The following FRMPD4 variants were observed in gnomAD, a reference collection of about 807,000 sequenced individuals.
FRMPD4 encodes the protein FERM and PDZ domain-containing protein 4.
FRMPD4 carries 22 observed loss-of-function variants against 94.1 expected under a neutral mutation model. The ratio of observed to expected loss-of-function variants is 0.23; its 90% CI spans 0.17 to 0.33. The LOEUF is 0.33. Among genes scored for constraint, FRMPD4 ranks in the 10% least tolerant of loss-of-function variants. FRMPD4 has a pLI of 1.00. For synonymous variants in FRMPD4, 631 were observed against 548.6 expected, an observed-to-expected ratio of 1.15 and a Z score of -2.10; for missense variants, 1,111 against 1,339.9, an observed-to-expected ratio of 0.83 and a Z score of 2.67.
intron 1 of FRMPD4, among the ~76,000 whole-genome samples, chrX:12,374,324 A>C (rs1018013324): frequency 8.0e-5 from 9 of 111,972 alleles, no homozygotes; most frequent in African/African-American, 2.9e-4. Context: ...ACTTTCTTTG[A>C]GCCCCAAATT....
At chrX:12,417,474 G>T (rs1341891497) in intron 1 of FRMPD4, among the ~76,000 whole-genome samples, 1 of 105,788 alleles carries the variant, frequency 9.5e-6, no homozygotes, top group Non-Finnish European at 1.9e-5. Flanking sequence ...AGCTACTTGG[G>T]GGGCCAAGGC....
rs760251593 is a variant in FRMPD4, at chrX:11,963,708, A to C, written c.95+85690A>C. Among the ~76,000 whole-genome samples the C allele has an allele frequency of 1.2e-4, 14 of 112,071 alleles. No homozygotes were observed. In the South Asian group the frequency reaches 2.6e-3, roughly 21 times the overall value. The stretch of plus-strand genomic sequence containing the variant: ...GCATGGGCAAGCCAGTTTGTGCTGG[A>C]TGTGACAGATATTTTCTTTACAAAA... On this transcript the variant is annotated intron_variant, in intron 3 of 18. Coordinates refer to the FRMPD4 transcript ENST00000640291.
intron 1 of FRMPD4, among the ~76,000 whole-genome samples, chrX:12,476,609 A>C (rs951253378): frequency 8.9e-6 from 1 of 111,864 alleles, no homozygotes; most frequent in African/African-American, 3.3e-5. Context: ...AACTCAAACA[A>C]ATTTACAAGA....
chrX:12,337,812 C>T (rs1475355514), intron 1 of FRMPD4, among the ~76,000 whole-genome samples: 2 of 112,336 alleles, frequency 1.8e-5, no homozygotes, highest in African/African-American at 3.2e-5. Context: ...TTATTTCATT[C>T]GGCATTTAGT....
In FRMPD4 at chrX:12,005,254, G is replaced by A. The variant is rs184751704; in HGVS notation, c.95+127236G>A. The stretch of plus-strand genomic sequence containing the variant: ...GCTGGACCCCACTCCCACAGGTTCC[G>A]ATTCAGTAGGTCTGGGATGGGACCG... On this transcript the variant is annotated intron_variant, in intron 3 of 18. Coordinates refer to the FRMPD4 transcript ENST00000640291. Among the ~76,000 whole-genome samples the A allele has an allele frequency of 3.0e-3, 327 of 108,445 alleles. 1 individual carries two copies. Among genetic ancestry groups the A allele is most frequent in the African/African-American group, 0.01 (307 of 30,069 alleles). 94.2% of individuals were successfully genotyped at this position (108,445 alleles called of 115,157 possible).
At chrX:12,463,027 A>T (rs993604689) in intron 1 of FRMPD4, among the ~76,000 whole-genome samples, 1 of 112,174 alleles carries the variant, frequency 8.9e-6, no homozygotes, top group African/African-American at 3.2e-5. Flanking sequence ...TCTAACAATC[A>T]TCAATGGAAG....
intron 1 of FRMPD4, among the ~76,000 whole-genome samples, chrX:12,180,584 A>G (rs947636680): frequency 8.9e-6 from 1 of 112,560 alleles, no homozygotes; most frequent in Non-Finnish European, 1.9e-5. Flanking sequence ...AGATTGTACC[A>G]AGCTGGAATA....
intron 1 of FRMPD4, among the ~76,000 whole-genome samples, chrX:11,838,557 TC>T (rs1271567871): frequency 2.7e-5 from 3 of 111,464 alleles, no homozygotes; most frequent in Admixed American, 1.9e-4. Context: ...TGTGTAACTA[TC>T]ATTTCAGTCT....
chrX:11,974,160 C>T (rs2054355183), intron 3 of FRMPD4, among the ~76,000 whole-genome samples: 1 of 111,331 alleles, frequency 9.0e-6, no homozygotes, highest in African/African-American at 3.3e-5. Flanking sequence ...GTCCTCCCAG[C>T]CTCACGTTGA....
intron 2 of FRMPD4, among the ~76,000 whole-genome samples, chrX:11,874,052 A>G (rs1246444050): frequency 8.9e-6 from 1 of 112,101 alleles, no homozygotes; most frequent in Non-Finnish European, 1.9e-5. Context: ...TCTCAAAAAG[A>G]AAAACAAAAA....
chrX:11,922,985 AC>A (rs915999153), intron 3 of FRMPD4, among the ~76,000 whole-genome samples: 1 of 112,384 alleles, frequency 8.9e-6, no homozygotes, highest in African/African-American at 3.2e-5. Flanking sequence ...TGCTCTGGGG[AC>A]CCACACCATA....
intron 2 of FRMPD4, among the ~76,000 whole-genome samples, chrX:12,593,205 T>G (rs2058998918): frequency 8.9e-6 from 1 of 112,329 alleles, no homozygotes; most frequent in East Asian, 2.8e-4. Context: ...GGTCTGGAAA[T>G]GTCTTTATTC....
rs1340987757 is a variant in FRMPD4, at chrX:12,263,018, C to T, written c.41+124006C>T. Among the ~76,000 whole-genome samples the T allele has an allele frequency of 6.3e-5, 7 of 111,428 alleles. No individual in the cohort carries two copies. In the East Asian group the frequency reaches 1.7e-3, roughly 27 times the overall value. ...GGCTTCAGCTTTGAAGACCTAGGAG[C>T]CTTATTTTGTTATTTCTACAAGAGG... On this transcript the variant is annotated intron_variant, in intron 1 of 16. Coordinates refer to ENST00000675598, the MANE Select transcript of FRMPD4 (RefSeq NM_001368397.1).
intron 3 of FRMPD4, among the ~76,000 whole-genome samples, chrX:12,095,116 C>T (rs1440554473): frequency 9.0e-6 from 1 of 111,366 alleles, no homozygotes; most frequent in Non-Finnish European, 1.9e-5. Flanking sequence ...GTGGCTCACC[C>T]CTGTAGTCCT....
intron 1 of FRMPD4, among the ~76,000 whole-genome samples, chrX:11,841,605 G>T (rs1380608731): frequency 2.1e-4 from 23 of 111,027 alleles, no homozygotes; most frequent in Non-Finnish European, 2.8e-4. Context: ...TTTGTTTTTT[G>T]CTTGTAAATG....
At chrX:12,404,555 A>T (rs182678362) in intron 1 of FRMPD4, among the ~76,000 whole-genome samples, 2 of 111,891 alleles carry the variant, frequency 1.8e-5, no homozygotes, top group South Asian at 3.7e-4. Flanking sequence ...GTAAAGTCCA[A>T]ATAACCCTTT....
chrX:12,271,184 G>T (rs2054350388), intron 1 of FRMPD4, among the ~76,000 whole-genome samples: 1 of 112,053 alleles, frequency 8.9e-6, no homozygotes, highest in Non-Finnish European at 1.9e-5. Flanking sequence ...CTATGTTCTA[G>T]AAATTGTAAT....
chrX:12,600,711 A>G (rs931212882), intron 2 of FRMPD4, among the ~76,000 whole-genome samples: 9 of 112,164 alleles, frequency 8.0e-5, no homozygotes, highest in African/African-American at 2.9e-4. Flanking sequence ...CACACTGTTG[A>G]TATCTAAAGT....
At chrX:11,934,699 C>T (rs6640825) in intron 3 of FRMPD4, among the ~76,000 whole-genome samples, 38,524 of 110,617 alleles carry the variant, frequency 0.35, 5,390 homozygotes, top group East Asian at 0.82. Flanking sequence ...AGATTATAAA[C>T]TCTTTGAAGT....
Sources: gnomAD v4.1 joint callset for allele counts (sites outside exome capture counted in the v4.1 genomes callset) on GRCh38, gnomAD v4.1.1 for gene constraint, MANE v1.5 for transcripts, NCBI Gene and HGNC (gene_info 2026-07-23, HGNC 2026-07-21) for gene names.